Variants in LIG1 observed in about 807,000 individuals in gnomAD.
The protein encoded by LIG1 is DNA ligase 1, also known as ligase I, DNA, ATP-dependent.
A neutral mutation model predicts 115.7 loss-of-function variants in LIG1; 70 were observed. That is an observed-to-expected ratio of 0.60 (90% CI 0.50 to 0.74). The LOEUF is 0.74. Among genes scored for constraint, LIG1 ranks in the 30% least tolerant of loss-of-function variants. The probability of loss-of-function intolerance (pLI) is 0.00; values close to 1 mark genes in which losing one functional copy is unlikely to be tolerated. For synonymous variants in LIG1, 487 were observed against 495.3 expected, an observed-to-expected ratio of 0.98 and a Z score of 0.22; for missense variants, 1,115 against 1,225.6, an observed-to-expected ratio of 0.91 and a Z score of 1.35.
At chr19:48,116,863 G>A (rs1472442036) in intron 26 of LIG1, among the ~76,000 whole-genome samples, 1 of 152,190 alleles carries the variant, frequency 6.6e-6, no homozygotes, top group African/African-American at 2.4e-5. Flanking sequence ...GTTCTTGGCT[G>A]GGCATGGTGG....
Position 48,137,045 on chromosome 19 carries a change from CAA to C in LIG1, c.1292_1293del (p.Phe431CysfsTer13). 6.2e-7 allele frequency: 1 copy of C among 1,612,446 alleles called. No individual in the cohort carries two copies. The highest frequency in any genetic ancestry group is 1.3e-5 in the African/African-American group (1 of 75,038). ...AKKIDIIKGLFVACRHSEARF... is the reference protein window; with the variant it reads ...AKKIDIIKGLXVACRHSEARF... The stretch of plus-strand genomic sequence containing the variant: ...CGGGCTTCTGAGTGGCGGCAGGCCA[CAA>C]AGAGGCCTTTGATGATGTCTATCTT... On this transcript the variant is annotated frameshift_variant, in exon 14 of 28. Coordinates refer to ENST00000263274, the MANE Select transcript of LIG1 (RefSeq NM_000234.3). LOFTEE classifies it high-confidence loss of function. This position sits in a 1 kb window ranked among gnomAD's most constrained non-coding sequence, Gnocchi z 4.3.
intron 9 of LIG1, among the ~76,000 whole-genome samples, chr19:48,148,653 G>C (rs1599832924): frequency 6.6e-6 from 1 of 151,990 alleles, no homozygotes; most frequent in Non-Finnish European, 1.5e-5. Flanking sequence ...GATGGGTTTT[G>C]AGCATGGCAG....
Position 48,131,190 on chromosome 19 carries a change from G to C in LIG1, c.1726-19C>G. On this transcript the variant is annotated intron_variant, in intron 18 of 27. Coordinates refer to ENST00000263274, the MANE Select transcript of LIG1 (RefSeq NM_000234.3). ...CGTGGATCTGTCACGATGGGAGAAG[G>C]GAGGGGAAATCAGCTGAGTCCCCTC... The C allele has an allele frequency of 6.2e-7, 1 of 1,601,680 alleles. No individual in the cohort carries two copies. The highest frequency in any genetic ancestry group is 1.1e-5 in the South Asian group (1 of 90,784).
intron 18 of LIG1, among the ~76,000 whole-genome samples, chr19:48,131,932 C>T (rs1204830127): frequency 2.2e-5 from 3 of 133,812 alleles, no homozygotes; most frequent in East Asian, 5.1e-4. Flanking sequence ...GTTGGATCCA[C>T]CCTTTTTTTT....
intron 11 of LIG1, among the ~76,000 whole-genome samples, chr19:48,141,870 C>T (rs545052904): frequency 2.6e-5 from 4 of 152,108 alleles, no homozygotes; most frequent in Non-Finnish European, 5.9e-5. Context: ...ATGGAACAGC[C>T]CCCCCAAAAT....
chr19:48,162,912 AC>A (rs1256489450), intron 2 of LIG1, among the ~76,000 whole-genome samples: 1 of 133,068 alleles, frequency 7.5e-6, no homozygotes, highest in Non-Finnish European at 1.6e-5. Context: ...TTAACTATGC[AC>A]TTTTTAAATC....
At chr19:48,119,013 C>A in intron 25 of LIG1, 124 bp downstream of exon 25, 1 of 752,306 alleles carries the variant, frequency 1.3e-6, no homozygotes, top group South Asian at 1.6e-5. Context: ...CCACTGCCTG[C>A]TGCCCTCCTG....
In LIG1 at chr19:48,122,675, G is replaced by A. The variant is rs559739228; in HGVS notation, c.2232+259C>T. 6.6e-6 allele frequency among the ~76,000 whole-genome samples: 1 copy of A among 152,216 alleles called. No homozygotes were observed. The highest frequency in any genetic ancestry group is 1.5e-5 in the Non-Finnish European group (1 of 68,042). The stretch of plus-strand genomic sequence containing the variant: ...GGCCCGACACGGGCGGCAGGCTCAG[G>A]AGAGAGACACCTCATCACGCTGCAC... On this transcript the variant is annotated intron_variant, in intron 23 of 27. Coordinates refer to ENST00000263274, the MANE Select transcript of LIG1 (RefSeq NM_000234.3). This position sits in a 1 kb window ranked among gnomAD's most constrained non-coding sequence, Gnocchi z 4.3.
At chr19:48,120,471 T>C in intron 24 of LIG1, 1 of 985,428 alleles carries the variant, frequency 1.0e-6, no homozygotes, top group Non-Finnish European at 1.2e-6. Context: ...TTTGTTCTGT[T>C]TCTGTGGCAA....
chr19:48,151,581 C>G (rs2035480262), intron 6 of LIG1, among the ~76,000 whole-genome samples: 1 of 152,108 alleles, frequency 6.6e-6, no homozygotes, highest in South Asian at 2.1e-4. Flanking sequence ...AGGCGCCCAC[C>G]ACCACATCCA....
chr19:48,153,799 T>A (rs1599851597), intron 6 of LIG1, 73 bp downstream of exon 6: 3 of 248,846 alleles, frequency 1.2e-5, no homozygotes, highest in Non-Finnish European at 2.3e-5. Flanking sequence ...CTCACCTTCC[T>A]CCTCCTCCTT....
At chr19:48,136,320 T>C (rs1029274248) in intron 14 of LIG1, among the ~76,000 whole-genome samples, 195 bp from the exon 15 acceptor site, 3 of 152,140 alleles carry the variant, frequency 2.0e-5, no homozygotes, top group African/African-American at 7.2e-5. Context: ...CAGGCAGTAA[T>C]GATCCTGCCC....
At chr19:48,158,292 T>C (rs1428493339) in intron 4 of LIG1, among the ~76,000 whole-genome samples, 1 of 152,220 alleles carries the variant, frequency 6.6e-6, no homozygotes, top group Non-Finnish European at 1.5e-5. Context: ...GGTGCCCTCC[T>C]CTTCCTGTTG....
rs1439105693 is a variant in LIG1, at chr19:48,143,678, C to A, written c.858-79G>T. 5 of 1,316,310 alleles carry A rather than the reference C, an allele frequency of 3.8e-6. No homozygotes were observed. The African/African-American group carries it at 7.3e-5, about 19-fold the overall frequency. 81.5% of individuals were successfully genotyped at this position (1,316,310 alleles called of 1,614,324 possible). ...GCCCGTCTGCACCCTTGCTTCCTCACGCCTCCTCGGGACACCCTTGCCAAT... is the reference window on the plus strand; with the variant it reads ...GCCCGTCTGCACCCTTGCTTCCTCAAGCCTCCTCGGGACACCCTTGCCAAT... On this transcript the variant is annotated intron_variant, in intron 10 of 27. Transcript: ENST00000263274.
intron 24 of LIG1, 38 bp from the exon 25 acceptor site, chr19:48,119,228 C>T: frequency 4.6e-6 from 7 of 1,532,342 alleles, no homozygotes; most frequent in Non-Finnish European, 5.3e-6. Flanking sequence ...GCTCAGCCAG[C>T]CACAGGCCCA....
At chr19:48,120,434 T>C in intron 24 of LIG1, 1 of 985,398 alleles carries the variant, frequency 1.0e-6, no homozygotes, top group South Asian at 4.7e-5. Flanking sequence ...ACTGCGTGTC[T>C]CTGGGTGGTA....
rs1373773150 is a variant in LIG1, at chr19:48,115,529, C to G, written c.*120G>C. ...AAGCCACCCCCTCACACACACACCC[C>G]TCCCCTGACTCTCAAAATCCACAGC... On this transcript the variant is annotated 3_prime_UTR_variant, in exon 28 of 28. Coordinates refer to ENST00000263274, the MANE Select transcript of LIG1 (RefSeq NM_000234.3). The G allele has an allele frequency of 2.3e-5, 17 of 745,762 alleles. No homozygotes were observed. Among genetic ancestry groups the G allele is most frequent in the Admixed American group, 1.4e-4 (7 of 49,894 alleles). 46.2% of individuals were successfully genotyped at this position (745,762 alleles called of 1,614,324 possible).
Position 48,119,047 on chromosome 19 carries a change from G to A in LIG1, c.2439+90C>T, listed in dbSNP as rs1038504952. On this transcript the variant is annotated intron_variant, in intron 25 of 27. Coordinates refer to ENST00000263274, the MANE Select transcript of LIG1 (RefSeq NM_000234.3). Reference sequence around the variant, plus strand: ...TGCCCACACCTGGAGCCCCAAGATGGTGGAAGCCAAGAGCCCTGCATGGAA... The same window carrying A: ...TGCCCACACCTGGAGCCCCAAGATGATGGAAGCCAAGAGCCCTGCATGGAA... 1.4e-5 allele frequency: 15 copies of A among 1,091,676 alleles called. No individual in the cohort carries two copies. In the African/African-American group the frequency reaches 2.4e-4, roughly 17 times the overall value. The allele number at this position is 1,091,676 out of a possible 1,614,324, so 67.6% of individuals were successfully genotyped here. A position where few individuals can be genotyped will look rare whatever the true frequency, so the allele number is the denominator to read the frequency against.
intron 1 of LIG1, among the ~76,000 whole-genome samples, chr19:48,168,343 G>A (rs1215896511): frequency 2.0e-5 from 3 of 152,168 alleles, no homozygotes; most frequent in Admixed American, 2.0e-4. Context: ...TGAGGACAGA[G>A]GAACATAGCT....
Sources: gnomAD v4.1 joint callset for allele counts (sites outside exome capture counted in the v4.1 genomes callset) on GRCh38, gnomAD v4.1.1 for gene constraint, Gnocchi (gnomAD v3.1) non-coding constraint, MANE v1.5 for transcripts, NCBI Gene and HGNC (gene_info 2026-07-23, HGNC 2026-07-21) for gene names.